Variants in MITF observed in about 807,000 individuals in gnomAD.
MITF encodes the protein microphthalmia-associated transcription factor.
In MITF, 17 loss-of-function variants were observed where a neutral mutation model predicts 60.5. That is an observed-to-expected ratio of 0.28 (90% CI 0.19 to 0.42). The LOEUF is 0.42. Ranked by LOEUF, MITF falls within the 10% of genes least tolerant of loss-of-function variation. The probability of loss-of-function intolerance (pLI) is 1.00; values close to 1 mark genes in which losing one functional copy is unlikely to be tolerated. For missense variants in MITF, 622 were observed against 683.5 expected, an observed-to-expected ratio of 0.91 and a Z score of 1.00; for synonymous variants, 260 against 248.5, an observed-to-expected ratio of 1.05 and a Z score of -0.43.
chr3:69,870,149 T>TAA (rs71126472), intron 1 of MITF, among the ~76,000 whole-genome samples: 1 of 119,156 alleles, frequency 8.4e-6, no homozygotes, highest in Non-Finnish European at 1.8e-5. Context: ...TTTGAATTAA[T>TAA]AAAAAAAACA....
chr3:69,757,508 T>C (rs976651530), intron 1 of MITF, among the ~76,000 whole-genome samples: 10 of 152,020 alleles, frequency 6.6e-5, no homozygotes, highest in Admixed American at 5.2e-4. Context: ...GAGAAGACAG[T>C]TGGGGAGGTT....
At chr3:69,887,501 A>G (rs1056516039) in intron 2 of MITF, among the ~76,000 whole-genome samples, 1 of 152,048 alleles carries the variant, frequency 6.6e-6, no homozygotes, top group Non-Finnish European at 1.5e-5. Context: ...TTAAAAAAAC[A>G]TTTAGCTCCA....
intron 5 of MITF, among the ~76,000 whole-genome samples, chr3:69,947,257 C>T (rs1483882019): frequency 6.6e-6 from 1 of 152,124 alleles, no homozygotes; most frequent in Non-Finnish European, 1.5e-5. Flanking sequence ...GTTAAAACCT[C>T]AACGTTTTCC....
chr3:69,851,038 T>C (rs896905455), intron 1 of MITF, among the ~76,000 whole-genome samples: 5 of 152,184 alleles, frequency 3.3e-5, no homozygotes, highest in African/African-American at 1.2e-4. Context: ...CAATGATGAA[T>C]AGTTACACAT....
intron 2 of MITF, among the ~76,000 whole-genome samples, chr3:69,888,413 C>CTTTTTTTTTTTTT (rs199920801): frequency 7.0e-6 from 1 of 141,876 alleles, no homozygotes; most frequent in Non-Finnish European, 1.5e-5. Flanking sequence ...TTCTTTTTTT[C>CTTTTTTTTTTTTT]TTTTTTTTTT....
chr3:69,819,859 G>A (rs955929304), intron 1 of MITF, among the ~76,000 whole-genome samples: 1 of 152,184 alleles, frequency 6.6e-6, no homozygotes, highest in Non-Finnish European at 1.5e-5. Flanking sequence ...CAGCTACCTG[G>A]GAGGCTAAGG....
intron 2 of MITF, among the ~76,000 whole-genome samples, chr3:69,918,262 A>C (rs1240417988): frequency 6.6e-6 from 1 of 152,010 alleles, no homozygotes; most frequent in Non-Finnish European, 1.5e-5. Flanking sequence ...TGGCCAGGCT[A>C]GTCTCGAACT....
chr3:69,807,018 C>T (rs2063020709), intron 1 of MITF, among the ~76,000 whole-genome samples: 2 of 152,182 alleles, frequency 1.3e-5, no homozygotes, highest in African/African-American at 4.8e-5. Context: ...AGATTCTTAT[C>T]TTGGCTGCGT....
intron 9 of MITF, among the ~76,000 whole-genome samples, chr3:69,961,429 G>A (rs753868713): frequency 8.0e-5 from 12 of 150,048 alleles, no homozygotes; most frequent in Admixed American, 2.0e-4. Flanking sequence ...GCTTGTGGCC[G>A]GGTGCGGTGG....
chr3:69,772,682 C>T lies in MITF; in HGVS notation c.104+32981C>T, dbSNP rs532681574. 2.6e-5 allele frequency among the ~76,000 whole-genome samples: 4 copies of T among 152,226 alleles called. No individual in the cohort carries two copies. The East Asian group carries it at 7.7e-4, about 29-fold the overall frequency. ...AGTGAGTGTCAGTTAAAAGTGGGTA[C>T]ATAGTGATAGTAGATGACACCCATG... On this transcript the variant is annotated intron_variant, in intron 1 of 9. Transcript: ENST00000352241.
In MITF at chr3:69,959,338, G is replaced by T; in HGVS notation, c.1097G>T (p.Arg366Leu). 1 of 1,613,988 alleles carries T rather than the reference G, an allele frequency of 6.2e-7. No homozygotes were observed. Among genetic ancestry groups the T allele is most frequent in the African/African-American group, 1.3e-5 (1 of 75,010 alleles). The change falls in exon 9 of 10, where the codon CGA becomes CTA. Residue 366 changes from arginine (R) to leucine (L), a missense_variant. Coordinates refer to ENST00000352241, the MANE Select transcript of MITF (RefSeq NM_001354604.2). The part of the protein sequence containing the change: ...ASVDYIRKLQ[R>L]EQQRAKELEN... ...GTGGACTATATCCGAAAGTTGCAAC[G>T]AGAACAGCAACGCGCAAAAGAACTT... is the stretch of plus-strand genomic sequence containing the variant.
intron 1 of MITF, among the ~76,000 whole-genome samples, chr3:69,875,646 GT>G (rs1389299339): frequency 6.6e-6 from 1 of 152,154 alleles, no homozygotes; most frequent in East Asian, 1.9e-4. Context: ...TCACGTCCTC[GT>G]TTTAAAAAAT....
In MITF at chr3:69,938,767, C is replaced by T. The variant is rs2065902694; in HGVS notation, c.583-331C>T. 5 of 1,327,416 alleles carry T rather than the reference C, an allele frequency of 3.8e-6. No homozygotes were observed. In the East Asian group the frequency reaches 1.2e-4, roughly 32 times the overall value. The allele number at this position is 1,327,416 out of a possible 1,614,324, so 82.2% of individuals were successfully genotyped here. ...AATTATGAGATGATGAGCTTCATCTCAATGGGATTTACCGTACTATGGACT... is the reference window on the plus strand; with the variant it reads ...AATTATGAGATGATGAGCTTCATCTTAATGGGATTTACCGTACTATGGACT... On this transcript the variant is annotated intron_variant, in intron 3 of 9. Transcript: ENST00000352241.
At chr3:69,946,612 A>AC (rs1011626527) in intron 5 of MITF, among the ~76,000 whole-genome samples, 9 of 151,912 alleles carry the variant, frequency 5.9e-5, no homozygotes, top group Admixed American at 2.0e-4. Flanking sequence ...AAATGAGATG[A>AC]CCCCCAGCAA....
At chr3:69,924,061 T>C (rs2065530119) in intron 2 of MITF, among the ~76,000 whole-genome samples, 1 of 152,060 alleles carries the variant, frequency 6.6e-6, no homozygotes, top group Non-Finnish European at 1.5e-5. Context: ...GTAGTCATGA[T>C]TTTTTTGATC....
chr3:69,831,287 C>T (rs553244956), intron 1 of MITF, among the ~76,000 whole-genome samples: 1 of 152,280 alleles, frequency 6.6e-6, no homozygotes, highest in Admixed American at 6.5e-5. Context: ...GGACAATCGA[C>T]ATGGAGTAGG....
At position 69,900,560 on chromosome 3, in the gene MITF, C is replaced by G. The variant is rs1299477064; in HGVS notation, c.354+21177C>G. 4.6e-5 allele frequency among the ~76,000 whole-genome samples: 7 copies of G among 152,200 alleles called. No homozygotes were observed. The East Asian group carries it at 1.4e-3, about 30-fold the overall frequency. The stretch of plus-strand genomic sequence containing the variant: ...TGGCTGACACTTGGCAAACCAGTGA[C>G]CTTCTTTTTGAGCTAGAGTTGACAA... On this transcript the variant is annotated intron_variant, in intron 2 of 9. Transcript: ENST00000352241.
intron 1 of MITF, among the ~76,000 whole-genome samples, chr3:69,815,645 A>T (rs747491067): frequency 3.9e-5 from 6 of 152,194 alleles, no homozygotes; most frequent in Non-Finnish European, 5.9e-5. Context: ...ACAGAAGGCT[A>T]TTCCCCGTTG....
At chr3:69,929,336 A>G (rs1236076426) in intron 2 of MITF, among the ~76,000 whole-genome samples, 2 of 152,292 alleles carry the variant, frequency 1.3e-5, no homozygotes, top group East Asian at 3.9e-4. Flanking sequence ...ATATGTGAAT[A>G]TGTCCTTAAG....
Sources: gnomAD v4.1 joint callset for allele counts (sites outside exome capture counted in the v4.1 genomes callset) on GRCh38, gnomAD v4.1.1 for gene constraint, MANE v1.5 for transcripts, NCBI Gene and HGNC (gene_info 2026-07-23, HGNC 2026-07-21) for gene names.